Variants in CUEDC1 observed in about 807,000 individuals in gnomAD.
The protein encoded by CUEDC1 is CUE domain-containing protein 1.
Under a neutral mutation model 43.7 loss-of-function variants are expected in CUEDC1, and 30 were observed. That is an observed-to-expected ratio of 0.69 (90% CI 0.51 to 0.93). The LOEUF is 0.93. CUEDC1 is among the 40% of genes least tolerant of loss of function. The pLI, the probability that CUEDC1 is intolerant of heterozygous loss-of-function variation, is 0.00. For synonymous variants in CUEDC1, 223 were observed against 223.6 expected (o/e 1.00, Z 0.02); for missense variants, 486 against 549.0 (o/e 0.89, Z 1.15).
chr17:57,876,286 CAGG>C (rs1181212063), intron 3 of CUEDC1, among the ~76,000 whole-genome samples: 1 of 152,148 alleles, frequency 6.6e-6, no homozygotes, highest in African/African-American at 2.4e-5. Flanking sequence ...TAGGTACTTC[CAGG>C]AGGTCTCCAG....
At chr17:57,927,914 T>G (rs1598015010) in intron 1 of CUEDC1, among the ~76,000 whole-genome samples, 1 of 152,162 alleles carries the variant, frequency 6.6e-6, no homozygotes, top group African/African-American at 2.4e-5. Flanking sequence ...AACTGAGGCT[T>G]AGAGAGACTA....
chr17:57,944,543 T>C (rs1015947503), intron 1 of CUEDC1, among the ~76,000 whole-genome samples: 1 of 152,234 alleles, frequency 6.6e-6, no homozygotes, highest in African/African-American at 2.4e-5. Flanking sequence ...AAGAATCTTG[T>C]GCCACAGAGA....
At chr17:57,880,099 A>G (rs1274759908) in intron 2 of CUEDC1, among the ~76,000 whole-genome samples, 2 of 152,174 alleles carry the variant, frequency 1.3e-5, no homozygotes, top group Non-Finnish European at 2.9e-5. Flanking sequence ...GTGGGAACAG[A>G]TACCAGGGGC....
chr17:57,888,201 C>A (rs1205554149), intron 1 of CUEDC1, among the ~76,000 whole-genome samples: 1 of 152,218 alleles, frequency 6.6e-6, no homozygotes, highest in African/African-American at 2.4e-5. Flanking sequence ...CTGCGCCCGG[C>A]ATTATTTTTT....
chr17:57,879,808 A>C, intron 2 of CUEDC1, 70 bp from the exon 3 acceptor site: 2 of 1,485,104 alleles, frequency 1.3e-6, no homozygotes, highest in South Asian at 1.2e-5. Context: ...TTCAGACAAA[A>C]TCAAGTGTGG....
At chr17:57,938,620 C>T (rs908627287) in intron 1 of CUEDC1, among the ~76,000 whole-genome samples, 1 of 152,086 alleles carries the variant, frequency 6.6e-6, no homozygotes, top group African/African-American at 2.4e-5. Context: ...ACATGGACAA[C>T]AGCTTTTTAT....
chr17:57,928,201 G>T (rs1449044033), intron 1 of CUEDC1, among the ~76,000 whole-genome samples: 1 of 152,136 alleles, frequency 6.6e-6, no homozygotes, highest in Non-Finnish European at 1.5e-5. Context: ...TTTTGGGAGG[G>T]GTGTCAAAGT....
intron 1 of CUEDC1, among the ~76,000 whole-genome samples, chr17:57,950,671 C>A (rs2074998565): frequency 6.6e-6 from 1 of 152,084 alleles, no homozygotes; most frequent in African/African-American, 2.4e-5. Context: ...CAGGGTTTCA[C>A]CACGTTGGCC....
chr17:57,897,873 C>T (rs188183403), intron 1 of CUEDC1, among the ~76,000 whole-genome samples: 13 of 151,520 alleles, frequency 8.6e-5, no homozygotes, highest in African/African-American at 2.7e-4. Flanking sequence ...CTTAGCTGGG[C>T]GTGGTGGCAG....
intron 1 of CUEDC1, among the ~76,000 whole-genome samples, chr17:57,899,179 T>C (rs1397778098): frequency 6.6e-6 from 1 of 151,990 alleles, no homozygotes; most frequent in African/African-American, 2.4e-5. Flanking sequence ...CATCAGAAAT[T>C]CCACCCAGAG....
At chr17:57,944,799 C>A (rs1184279184) in intron 1 of CUEDC1, among the ~76,000 whole-genome samples, 2 of 152,196 alleles carry the variant, frequency 1.3e-5, no homozygotes, top group African/African-American at 4.8e-5. Flanking sequence ...TCCCACGGAT[C>A]AGCATCAAGA....
chr17:57,907,218 T>A (rs1194790112), intron 1 of CUEDC1, among the ~76,000 whole-genome samples: 2 of 152,088 alleles, frequency 1.3e-5, no homozygotes, highest in Admixed American at 1.3e-4. Context: ...CAGGGATACT[T>A]TGTGGACATT....
intron 1 of CUEDC1, among the ~76,000 whole-genome samples, chr17:57,886,812 TG>T (rs2074295325): frequency 6.8e-6 from 1 of 146,854 alleles, no homozygotes; most frequent in African/African-American, 2.5e-5. Context: ...TCATAAATTC[TG>T]GTTGTTTTTT....
At chr17:57,909,148 AT>A (rs1008687999) in intron 1 of CUEDC1, among the ~76,000 whole-genome samples, 58 of 151,958 alleles carry the variant, frequency 3.8e-4, no homozygotes, top group Admixed American at 3.1e-3. Context: ...TTATTTGTTA[AT>A]TTTTTTTGAG....
At chr17:57,894,423 C>A (rs1483091385) in intron 1 of CUEDC1, among the ~76,000 whole-genome samples, 1 of 152,218 alleles carries the variant, frequency 6.6e-6, no homozygotes, top group Non-Finnish European at 1.5e-5. Flanking sequence ...GTAATCCCAG[C>A]ACTTTGGGAG....
intron 1 of CUEDC1, among the ~76,000 whole-genome samples, chr17:57,927,900 G>A (rs1383500904): frequency 2.0e-5 from 3 of 152,182 alleles, no homozygotes; most frequent in Admixed American, 6.5e-5. Flanking sequence ...TTTATAGATG[G>A]GGAAACTGAG....
intron 1 of CUEDC1, among the ~76,000 whole-genome samples, chr17:57,888,263 C>A (rs950129463): frequency 5.1e-4 from 78 of 152,294 alleles, no homozygotes; most frequent in African/African-American, 1.9e-3. Context: ...GTAATCAAAC[C>A]ATAAATCCTA....
chr17:57,944,608 G>A (rs1404889300), intron 1 of CUEDC1, among the ~76,000 whole-genome samples: 1 of 152,146 alleles, frequency 6.6e-6, no homozygotes, highest in African/African-American at 2.4e-5. Flanking sequence ...TGTTGTTGTG[G>A]AGTATAATAA....
chr17:57,936,333 G>C (rs867661406), intron 1 of CUEDC1, among the ~76,000 whole-genome samples: 3 of 152,346 alleles, frequency 2.0e-5, no homozygotes, highest in Middle Eastern at 3.4e-3. Flanking sequence ...GGGAGCAGAG[G>C]CTCTAAATAA....
Sources: gnomAD v4.1 joint callset for allele counts (sites outside exome capture counted in the v4.1 genomes callset) on GRCh38, gnomAD v4.1.1 for gene constraint, MANE v1.5 for transcripts, NCBI Gene and HGNC (gene_info 2026-07-23, HGNC 2026-07-21) for gene names.